The following TRPM3 variants were observed in gnomAD, a reference collection of about 807,000 sequenced individuals.
The protein encoded by TRPM3 is long transient receptor potential channel 3.
In TRPM3, 77 loss-of-function variants were observed where a neutral mutation model predicts 181.2. That is an observed-to-expected ratio of 0.42 (90% CI 0.35 to 0.51). The LOEUF is 0.51. TRPM3 is among the 20% of genes least tolerant of loss of function. TRPM3 has a pLI of 0.01. For synonymous variants in TRPM3, 745 were observed against 796.4 expected, an observed-to-expected ratio of 0.94 and a Z score of 1.09; for missense variants, 1,759 against 2,196.7, an observed-to-expected ratio of 0.80 and a Z score of 3.98.
intron 1 of TRPM3, among the ~76,000 whole-genome samples, chr9:71,248,388 G>A (rs897731681): frequency 6.6e-6 from 1 of 152,160 alleles, no homozygotes; most frequent in Non-Finnish European, 1.5e-5. Context: ...ATTTGAATGT[G>A]ACTCCTAGAA....
intron 1 of TRPM3, among the ~76,000 whole-genome samples, chr9:71,049,844 C>T (rs1336719136): frequency 6.6e-6 from 1 of 152,150 alleles, no homozygotes; most frequent in African/African-American, 2.4e-5. Context: ...TGGGAAAGTT[C>T]CCTTACTTTC....
In TRPM3 at chr9:70,752,049, T is replaced by TGTGTGCGC. The variant is rs1273744922; in HGVS notation, c.1272+9551_1272+9552insGCGCACAC. Among the ~76,000 whole-genome samples the TGTGTGCGC allele has an allele frequency of 3.5e-4, 41 of 116,420 alleles. 1 individual carries two copies. Among genetic ancestry groups the TGTGTGCGC allele is most frequent in the Middle Eastern group, 4.1e-3 (1 of 246 alleles). 76.4% of individuals were successfully genotyped at this position (116,420 alleles called of 152,430 possible). ...GTGTGTGTGTGTGTGTGTGTGTGTG[T>TGTGTGCGC]GCGCGCGCGCGCGCATACACATGTA... On this transcript the variant is annotated intron_variant, in intron 8 of 25. Coordinates refer to ENST00000677713, the MANE Select transcript of TRPM3 (RefSeq NM_001366145.2).
intron 1 of TRPM3, among the ~76,000 whole-genome samples, chr9:71,338,380 T>C (rs1329412157): frequency 1.3e-5 from 2 of 152,152 alleles, no homozygotes; most frequent in African/African-American, 4.8e-5. Flanking sequence ...AGGCAAAGCC[T>C]ACATGATGTG....
intron 1 of TRPM3, among the ~76,000 whole-genome samples, chr9:71,024,239 G>A (rs1282894405): frequency 1.3e-5 from 2 of 152,148 alleles, no homozygotes; most frequent in South Asian, 2.1e-4. Flanking sequence ...AAAGATGTGT[G>A]TGCATATATA....
intron 1 of TRPM3, among the ~76,000 whole-genome samples, chr9:71,063,581 G>T (rs1043032746): frequency 2.0e-5 from 3 of 152,066 alleles, no homozygotes; most frequent in Admixed American, 6.6e-5. Context: ...GGATTGGAGG[G>T]ATTCAATAGT....
chr9:70,627,265 CT>C (rs1175860330), intron 12 of TRPM3, among the ~76,000 whole-genome samples: 17,644 of 79,110 alleles, frequency 0.22, 525 homozygotes, highest in South Asian at 0.31. Context: ...TCCATTGCTG[CT>C]TTTTTTTTTT....
intron 1 of TRPM3, among the ~76,000 whole-genome samples, chr9:70,968,662 T>C (rs1175448481): frequency 6.6e-6 from 1 of 152,144 alleles, no homozygotes. Flanking sequence ...AAAATGAACA[T>C]TGTGGGATGG....
intron 22 of TRPM3, among the ~76,000 whole-genome samples, chr9:70,556,101 G>C (rs2047624972): frequency 6.6e-6 from 1 of 152,128 alleles, no homozygotes; most frequent in Admixed American, 6.6e-5. Context: ...GTGCTTGCTT[G>C]TTTCAAGTGG....
chr9:70,914,504 A>G (rs572562609), intron 1 of TRPM3, among the ~76,000 whole-genome samples: 1 of 152,360 alleles, frequency 6.6e-6, no homozygotes, highest in Admixed American at 6.5e-5. Context: ...CCCTGCAGTG[A>G]TGGACGCTGA....
chr9:70,672,953 A>G (rs4385529), intron 9 of TRPM3, among the ~76,000 whole-genome samples: 99,739 of 151,838 alleles, frequency 0.66, 33,188 homozygotes, highest in African/African-American at 0.76. Flanking sequence ...ATCCCCCAGA[A>G]GCACAGGTGC....
At chr9:71,203,068 C>T (rs2078904858) in intron 1 of TRPM3, among the ~76,000 whole-genome samples, 1 of 152,200 alleles carries the variant, frequency 6.6e-6, no homozygotes, top group Non-Finnish European at 1.5e-5. Context: ...GGATGGCCTG[C>T]AGTTTGGCTC....
At chr9:70,622,335 C>T (rs960142120) in intron 14 of TRPM3, among the ~76,000 whole-genome samples, 14 of 152,166 alleles carry the variant, frequency 9.2e-5, no homozygotes, top group Admixed American at 6.5e-4. Context: ...GACAAATGAA[C>T]AAGGAAACCT....
chr9:71,019,219 T>C (rs1057304972), intron 1 of TRPM3, among the ~76,000 whole-genome samples: 8 of 151,932 alleles, frequency 5.3e-5, no homozygotes, highest in Non-Finnish European at 2.9e-5. Flanking sequence ...GAGATGCTTG[T>C]TATCACCACT....
At chr9:70,870,462 A>G (rs1038132986) in intron 1 of TRPM3, among the ~76,000 whole-genome samples, 23 of 152,092 alleles carry the variant, frequency 1.5e-4, no homozygotes, top group African/African-American at 5.5e-4. Context: ...AGTTGGCTAC[A>G]GAATAACACT....
At chr9:70,684,214 A>C (rs2066203388) in intron 8 of TRPM3, among the ~76,000 whole-genome samples, 1 of 152,222 alleles carries the variant, frequency 6.6e-6, no homozygotes, top group South Asian at 2.1e-4. Flanking sequence ...TTTGAGGTTG[A>C]GGAAAGGAAG....
At chr9:71,102,802 G>A (rs2068646708) in intron 1 of TRPM3, among the ~76,000 whole-genome samples, 1 of 152,032 alleles carries the variant, frequency 6.6e-6, no homozygotes, top group African/African-American at 2.4e-5. Flanking sequence ...CCTCCCATTA[G>A]TTGGTCAGAT....
chr9:71,146,873 G>T (rs1026005375), intron 1 of TRPM3, among the ~76,000 whole-genome samples: 1 of 152,126 alleles, frequency 6.6e-6, no homozygotes, highest in Admixed American at 6.6e-5. Flanking sequence ...CCCAAACTGG[G>T]CCAACCAGAA....
intron 1 of TRPM3, among the ~76,000 whole-genome samples, chr9:70,958,734 A>G (rs1370561175): frequency 5.3e-5 from 8 of 151,940 alleles, no homozygotes; most frequent in Non-Finnish European, 1.0e-4. Flanking sequence ...ATTATTCACA[A>G]TAGCAAAGAC....
intron 1 of TRPM3, among the ~76,000 whole-genome samples, chr9:71,104,973 A>G (rs1031405546): frequency 6.6e-6 from 1 of 152,210 alleles, no homozygotes; most frequent in African/African-American, 2.4e-5. Context: ...TAATCCAGCA[A>G]TTCTATTCCT....
Sources: gnomAD v4.1 joint callset for allele counts (sites outside exome capture counted in the v4.1 genomes callset) on GRCh38, gnomAD v4.1.1 for gene constraint, MANE v1.5 for transcripts, NCBI Gene and HGNC (gene_info 2026-07-23, HGNC 2026-07-21) for gene names.